SMAP1: variants seen among roughly 807,000 people sequenced by gnomAD.
SMAP1 encodes the protein stromal membrane-associated protein 1.
In SMAP1, 24 loss-of-function variants were observed where a neutral mutation model predicts 58.5. That is an observed-to-expected ratio of 0.41 (90% CI 0.30 to 0.58). SMAP1 has a LOEUF of 0.58. Ranked by LOEUF, SMAP1 falls within the 20% of genes least tolerant of loss-of-function variation. SMAP1 has a pLI of 0.29. For synonymous variants in SMAP1, 216 were observed against 196.6 expected, an observed-to-expected ratio of 1.10 and a Z score of -0.82; for missense variants, 563 against 566.3, an observed-to-expected ratio of 0.99 and a Z score of 0.06.
At chr6:70,719,252 A>G (rs1768409959) in intron 1 of SMAP1, among the ~76,000 whole-genome samples, 1 of 152,320 alleles carries the variant, frequency 6.6e-6, no homozygotes, top group African/African-American at 2.4e-5. Flanking sequence ...TGGTATTTGT[A>G]TTTTCAAATG....
Position 70,746,289 on chromosome 6 carries a change from G to A in SMAP1, c.253-8691G>A, listed in dbSNP as rs1766029863. 2.6e-5 allele frequency among the ~76,000 whole-genome samples: 4 copies of A among 152,194 alleles called. No individual in the cohort carries two copies. The South Asian group carries it at 8.3e-4, about 32-fold the overall frequency. On this transcript the variant is annotated intron_variant, in intron 2 of 10. Coordinates refer to ENST00000370455, the MANE Select transcript of SMAP1 (RefSeq NM_001044305.3). ...AATGCTTCTAGGTTTTGCCCATTCA[G>A]TATGATATTGGCTGTGGGTTTGTCA...
intron 2 of SMAP1, among the ~76,000 whole-genome samples, chr6:70,740,772 T>C (rs757394054): frequency 6.6e-6 from 1 of 152,212 alleles, no homozygotes; most frequent in Non-Finnish European, 1.5e-5. Context: ...TTCACACTGC[T>C]AATAAAGACA....
intron 6 of SMAP1, among the ~76,000 whole-genome samples, chr6:70,808,488 CG>C (rs984128073): frequency 7.9e-5 from 12 of 152,098 alleles, no homozygotes; most frequent in African/African-American, 2.2e-4. Context: ...CAGTGAGAAA[CG>C]GTTGCCGCGG....
At chr6:70,743,842 G>A (rs1562128344) in intron 2 of SMAP1, among the ~76,000 whole-genome samples, 1 of 152,088 alleles carries the variant, frequency 6.6e-6, no homozygotes, top group Admixed American at 6.5e-5. Context: ...TGTGAAGATT[G>A]AGGTAAAGAA....
intron 4 of SMAP1, among the ~76,000 whole-genome samples, chr6:70,790,817 A>T (rs1355588260): frequency 1.3e-5 from 2 of 152,186 alleles, no homozygotes; most frequent in Non-Finnish European, 2.9e-5. Context: ...CACTATTGAT[A>T]TGATAGGGCA....
In SMAP1 at chr6:70,855,469, T is replaced by A. The variant is rs1037680360; in HGVS notation, c.790-1390T>A. 3.9e-5 allele frequency among the ~76,000 whole-genome samples: 6 copies of A among 152,122 alleles called. 1 individual carries two copies. In the South Asian group the frequency reaches 1.0e-3, roughly 26 times the overall value. On this transcript the variant is annotated intron_variant, in intron 8 of 10. Transcript: ENST00000370455. ...AACATTTTGGGTTTTCTTATAGTTG[T>A]CTCTTATCCACAGGGAATAGACCCC... is the stretch of plus-strand genomic sequence containing the variant.
chr6:70,755,996 C>T (rs1582120942), intron 3 of SMAP1, among the ~76,000 whole-genome samples: 1 of 151,926 alleles, frequency 6.6e-6, no homozygotes. Flanking sequence ...AGAATTGTTT[C>T]CCACATAATC....
chr6:70,782,210 A>C (rs1212832801), intron 4 of SMAP1, among the ~76,000 whole-genome samples: 7 of 152,242 alleles, frequency 4.6e-5, no homozygotes, highest in Non-Finnish European at 1.0e-4. Context: ...GTTACAAAAT[A>C]AATTCTAAAT....
chr6:70,826,278 A>T (rs1015050451), intron 6 of SMAP1, among the ~76,000 whole-genome samples: 7 of 152,252 alleles, frequency 4.6e-5, no homozygotes, highest in Non-Finnish European at 1.0e-4. Context: ...GCTACAAACT[A>T]GGGAACCAGG....
At chr6:70,812,462 T>C (rs1362609937) in intron 6 of SMAP1, among the ~76,000 whole-genome samples, 1 of 152,204 alleles carries the variant, frequency 6.6e-6, no homozygotes, top group Non-Finnish European at 1.5e-5. Context: ...ACAGAAACCA[T>C]TGGCCTGTAG....
chr6:70,687,106 C>T (rs1766967367), intron 1 of SMAP1, among the ~76,000 whole-genome samples: 2 of 152,224 alleles, frequency 1.3e-5, no homozygotes, highest in Non-Finnish European at 2.9e-5. Flanking sequence ...TTCCAGTAGC[C>T]TCATTTCTAG....
chr6:70,767,359 T>C (rs1190258181), intron 3 of SMAP1, among the ~76,000 whole-genome samples: 2 of 152,216 alleles, frequency 1.3e-5, no homozygotes, highest in Admixed American at 6.5e-5. Flanking sequence ...TTTCATGATA[T>C]TGACTCTTCC....
intron 2 of SMAP1, among the ~76,000 whole-genome samples, chr6:70,747,074 A>C (rs947425700): frequency 6.6e-6 from 1 of 152,122 alleles, no homozygotes; most frequent in Non-Finnish European, 1.5e-5. Context: ...CTTTGTGTGA[A>C]TATAATGGTA....
chr6:70,669,752 C>T (rs921860491), intron 1 of SMAP1, among the ~76,000 whole-genome samples: 3 of 152,162 alleles, frequency 2.0e-5, no homozygotes, highest in African/African-American at 7.2e-5. Flanking sequence ...AGTAGAGATG[C>T]TGGTAAATAT....
intron 4 of SMAP1, among the ~76,000 whole-genome samples, chr6:70,786,943 A>C (rs1321827396): frequency 6.6e-6 from 1 of 152,180 alleles, no homozygotes; most frequent in Non-Finnish European, 1.5e-5. Flanking sequence ...GAATTGGAAA[A>C]AACTACTTTA....
Position 70,860,789 on chromosome 6 carries a change from G to C in SMAP1, c.*455G>C, listed in dbSNP as rs1207931860. 1 of 398,510 alleles carries C rather than the reference G, an allele frequency of 2.5e-6. No individual in the cohort carries two copies. Among genetic ancestry groups the C allele is most frequent in the Non-Finnish European group, 4.4e-6 (1 of 225,854 alleles). The allele number at this position is 398,510 out of a possible 1,614,324, so 24.7% of individuals were successfully genotyped here. ...GAATGTAAATGTCTCACTGAGCACT[G>C]TTTTCTAGTGTATCAAAATGCTCTT... On this transcript the variant is annotated 3_prime_UTR_variant, in exon 11 of 11. Coordinates refer to ENST00000370455, the MANE Select transcript of SMAP1 (RefSeq NM_001044305.3).
At chr6:70,731,627 AT>A in intron 1 of SMAP1, among the ~76,000 whole-genome samples, 1 of 152,320 alleles carries the variant, frequency 6.6e-6, no homozygotes, top group African/African-American at 2.4e-5. Flanking sequence ...GTATGCTATT[AT>A]TTTACATATT....
At chr6:70,717,185 G>T (rs1277495326) in intron 1 of SMAP1, among the ~76,000 whole-genome samples, 1 of 152,184 alleles carries the variant, frequency 6.6e-6, no homozygotes, top group East Asian at 1.9e-4. Flanking sequence ...GAAGTGTGTT[G>T]CAGTTCATTC....
chr6:70,733,472 A>G (rs1765505571), intron 2 of SMAP1, among the ~76,000 whole-genome samples: 1 of 152,230 alleles, frequency 6.6e-6, no homozygotes, highest in Non-Finnish European at 1.5e-5. Context: ...AGAGCTTTTT[A>G]AACACTTCCT....
Sources: gnomAD v4.1 joint callset for allele counts (sites outside exome capture counted in the v4.1 genomes callset) on GRCh38, gnomAD v4.1.1 for gene constraint, MANE v1.5 for transcripts, NCBI Gene and HGNC (gene_info 2026-07-23, HGNC 2026-07-21) for gene names.